CACNA1I: variants seen among roughly 807,000 people sequenced by gnomAD.
CACNA1I encodes calcium voltage-gated channel subunit alpha1 I.
Under a neutral mutation model 201.6 loss-of-function variants are expected in CACNA1I, and 74 were observed. The ratio of observed to expected loss-of-function variants is 0.37; its 90% CI spans 0.30 to 0.45. CACNA1I has a LOEUF of 0.45. Among genes scored for constraint, CACNA1I ranks in the 20% least tolerant of loss-of-function variants. The pLI is 1.00. For missense variants in CACNA1I, 2,346 were observed against 3,138.1 expected, an observed-to-expected ratio of 0.75 and a Z score of 6.03; for synonymous variants, 1,431 against 1,345.2, an observed-to-expected ratio of 1.06 and a Z score of -1.40.
At chr22:39,622,796 T>A (rs1240435974) in intron 4 of CACNA1I, among the ~76,000 whole-genome samples, 6 of 151,462 alleles carry the variant, frequency 4.0e-5, no homozygotes, top group Non-Finnish European at 5.9e-5. Context: ...GGGAGGGACC[T>A]CAGCTCTCAG....
chr22:39,587,383 C>T lies in CACNA1I; in HGVS notation c.237-10768C>T, dbSNP rs553627714. 9.2e-5 allele frequency among the ~76,000 whole-genome samples: 14 copies of T among 152,228 alleles called. No homozygotes were observed. The East Asian group carries it at 2.7e-3, about 29-fold the overall frequency. ...TTCCTTGTCGCTGGAGGCATGTAAG[C>T]GGAGGGAGGCCTGGGACCATCTGCC... is the stretch of plus-strand genomic sequence containing the variant. On this transcript the variant is annotated intron_variant, in intron 1 of 36. Transcript: ENST00000402142.
chr22:39,622,354 G>A (rs1351521188), intron 4 of CACNA1I, among the ~76,000 whole-genome samples: 1 of 151,208 alleles, frequency 6.6e-6, no homozygotes, highest in Non-Finnish European at 1.5e-5. Context: ...AGACCCAGGG[G>A]AGGATGGGGA....
chr22:39,678,484 G>A (rs931220499), intron 31 of CACNA1I, among the ~76,000 whole-genome samples: 6 of 152,306 alleles, frequency 3.9e-5, no homozygotes, highest in African/African-American at 1.4e-4. Flanking sequence ...GCTGCAACCC[G>A]GGCTGGGCTG....
intron 3 of CACNA1I, among the ~76,000 whole-genome samples, chr22:39,611,154 C>T (rs866099998): frequency 6.6e-6 from 1 of 152,160 alleles, no homozygotes; most frequent in Admixed American, 6.5e-5. Flanking sequence ...GAAACCAAGC[C>T]GTTTAGGTGG....
In CACNA1I at chr22:39,664,725, C is replaced by T. The variant is rs1884553251; in HGVS notation, c.3667-14C>T. The T allele has an allele frequency of 2.7e-6, 4 of 1,480,616 alleles. No individual in the cohort carries two copies. Among genetic ancestry groups the T allele is most frequent in the Admixed American group, 1.9e-5 (1 of 52,988 alleles). 91.7% of individuals were successfully genotyped at this position (1,480,616 alleles called of 1,614,324 possible). On this transcript the variant is annotated splice_polypyrimidine_tract_variant and intron_variant, in intron 20 of 36. Transcript: ENST00000402142. The stretch of plus-strand genomic sequence containing the variant: ...TCCCGCGGCAGCCTGACCCCGGCCC[C>T]ACCCCCGCCCCAGGTAGTCTCGCTG...
intron 1 of CACNA1I, among the ~76,000 whole-genome samples, chr22:39,591,548 C>T (rs1569050883): frequency 3.9e-5 from 6 of 151,918 alleles, no homozygotes. Context: ...ACTAGCATCT[C>T]TTCTTTTCTT....
At chr22:39,640,618 G>A (rs1230245950) in intron 5 of CACNA1I, among the ~76,000 whole-genome samples, 1 of 152,176 alleles carries the variant, frequency 6.6e-6, no homozygotes, top group Non-Finnish European at 1.5e-5. Flanking sequence ...TCTCCCCCAG[G>A]AGCCATAATG....
Position 39,684,082 on chromosome 22 carries a change from G to A in CACNA1I, c.5831-220G>A, listed in dbSNP as rs1020720967. Among the ~76,000 whole-genome samples, 5 of 152,114 alleles carry A rather than the reference G, an allele frequency of 3.3e-5. No homozygotes were observed. The highest frequency in any genetic ancestry group is 7.2e-5 in the African/African-American group (3 of 41,422). Reference sequence around the variant, plus strand: ...AGCTGTGTCTTTGCCCAGGGCCCCCGCCCCCTGGAATCAAAAGGGCTGCTT... The same window carrying A: ...AGCTGTGTCTTTGCCCAGGGCCCCCACCCCCTGGAATCAAAAGGGCTGCTT... On this transcript the variant is annotated intron_variant, in intron 35 of 36. Transcript: ENST00000402142. This position sits in a 1 kb window ranked among gnomAD's most constrained non-coding sequence, Gnocchi z 4.6.
intron 1 of CACNA1I, 128 bp downstream of exon 1, chr22:39,571,116 TTGG>T (rs1932169023): frequency 1.3e-6 from 1 of 787,546 alleles, no homozygotes; most frequent in Non-Finnish European, 2.2e-6. Flanking sequence ...CCACTGGGCC[TTGG>T]TGGTGGTGAG....
chr22:39,673,662 C>T lies in CACNA1I; in HGVS notation c.4784-301C>T, dbSNP rs5995765. On this transcript the variant is annotated intron_variant, in intron 28 of 36. Coordinates refer to ENST00000402142, the MANE Select transcript of CACNA1I (RefSeq NM_021096.4). ...GCCACTCACGCTGGTCCTTTGTGCCCGTGACAGTTCATGGCCCACCCATTC... is the reference window on the plus strand; with the variant it reads ...GCCACTCACGCTGGTCCTTTGTGCCTGTGACAGTTCATGGCCCACCCATTC... 2.7e-3 allele frequency among the ~76,000 whole-genome samples: 408 copies of T among 152,274 alleles called. 2 individuals are homozygous for T. Among genetic ancestry groups the T allele is most frequent in the African/African-American group, 9.7e-3 (402 of 41,528 alleles).
In CACNA1I at chr22:39,659,074, C is replaced by T; in HGVS notation, c.2288C>T (p.Ala763Val). 2 of 1,613,484 alleles carry T rather than the reference C, an allele frequency of 1.2e-6. 1 individual carries two copies. The highest frequency in any genetic ancestry group is 2.2e-5 in the South Asian group (2 of 90,956). ...CTCATGAAGACCATGGACAACGTGG[C>T]CACCTTCTGCATGCTGCTCATGCTC... ...VVLMKTMDNVATFCMLLMLFI... is the reference protein window; with the variant it reads ...VVLMKTMDNVVTFCMLLMLFI... Residue 763 changes from alanine to valine, a missense_variant, in exon 12 of 37, where the codon GCC (alanine) becomes GTC (valine). By Grantham distance (64) the Ala-to-Val change is moderately conservative. Transcript: ENST00000402142. This position sits in a 1 kb window ranked among gnomAD's most constrained non-coding sequence, Gnocchi z 4.3.
Position 39,646,807 on chromosome 22 carries a change from G to C in CACNA1I, c.1388G>C (p.Arg463Pro). ...GGCCTCTACCAGGCCCTGCAGAGCC[G>C]GCGCCAGGCCCTGGGCCCGGAGGCC... Reference protein sequence around the residue: ...ALGLYQALQSRRQALGPEAPA... With the variant: ...ALGLYQALQSPRQALGPEAPA... Residue 463 changes from arginine (R) to proline (P), a missense_variant, in exon 8 of 37, where the codon CGG (arginine) becomes CCG (proline). This residue lies in a region of CACNA1I where 312 missense variants were observed against 331.5 expected (regional missense o/e 0.94). Coordinates refer to ENST00000402142, the MANE Select transcript of CACNA1I (RefSeq NM_021096.4). The C allele has an allele frequency of 6.4e-7, 1 of 1,553,368 alleles. No individual in the cohort carries two copies. The highest frequency in any genetic ancestry group is 2.4e-5 in the East Asian group (1 of 41,162).
intron 7 of CACNA1I, 44 bp from the exon 8 acceptor site, chr22:39,646,525 C>G: frequency 1.3e-6 from 2 of 1,502,288 alleles, no homozygotes; most frequent in South Asian, 2.7e-5. Flanking sequence ...TCTGTCCCCT[C>G]CATCCCTGTC....
intron 3 of CACNA1I, among the ~76,000 whole-genome samples, chr22:39,607,963 C>CA (rs1933268827): frequency 1.3e-5 from 2 of 149,854 alleles, no homozygotes; most frequent in African/African-American, 2.5e-5. Context: ...ACTAAAAATA[C>CA]AAAAAAATTA....
intron 10 of CACNA1I, among the ~76,000 whole-genome samples, chr22:39,657,648 G>A (rs750147499): frequency 1.6e-4 from 25 of 152,338 alleles, no homozygotes; most frequent in Admixed American, 6.5e-4. Flanking sequence ...CTGTGAACCC[G>A]TGTCCTTGCC....
intron 4 of CACNA1I, among the ~76,000 whole-genome samples, chr22:39,630,381 G>T (rs535594245): frequency 1.3e-5 from 2 of 152,352 alleles, no homozygotes; most frequent in African/African-American, 4.8e-5. Context: ...TGAGCCTCAC[G>T]AGGACAGGGA....
intron 1 of CACNA1I, among the ~76,000 whole-genome samples, chr22:39,597,911 G>C (rs1862217111): frequency 6.6e-6 from 1 of 152,204 alleles, no homozygotes; most frequent in African/African-American, 2.4e-5. Context: ...CTGGGGCAAG[G>C]AGTGGGGTCC....
intron 1 of CACNA1I, among the ~76,000 whole-genome samples, chr22:39,593,415 G>C (rs1379982534): frequency 6.6e-6 from 1 of 152,280 alleles, no homozygotes; most frequent in Non-Finnish European, 1.5e-5. Context: ...TGGAGAGGAG[G>C]CTGAGCCACC....
At chr22:39,675,557 G>T (rs948446646) in intron 29 of CACNA1I, among the ~76,000 whole-genome samples, 8 of 152,238 alleles carry the variant, frequency 5.3e-5, no homozygotes, top group Admixed American at 2.0e-4. Flanking sequence ...AGTGCCACTG[G>T]CCGTGAAATG....
Sources: gnomAD v4.1 joint callset for allele counts (sites outside exome capture counted in the v4.1 genomes callset) on GRCh38, gnomAD v4.1.1 for gene constraint, gnomAD v4.1.1 regional missense constraint, Gnocchi (gnomAD v3.1) non-coding constraint, MANE v1.5 for transcripts, NCBI Gene and HGNC (gene_info 2026-07-23, HGNC 2026-07-21) for gene names.